The following MEI4 variants were observed in gnomAD, a reference collection of about 807,000 sequenced individuals.
The protein encoded by MEI4 is meiosis-specific protein MEI4.
MEI4 carries 27 observed loss-of-function variants against 31.4 expected under a neutral mutation model. The ratio of observed to expected loss-of-function variants is 0.86; its 90% CI spans 0.63 to 1.19. MEI4 has a LOEUF of 1.19. Among genes scored for constraint, MEI4 ranks in the 50% most tolerant of loss-of-function variants. The probability of loss-of-function intolerance (pLI) is 0.00; values close to 1 mark genes in which losing one functional copy is unlikely to be tolerated. For missense variants in MEI4, 329 were observed against 398.9 expected (o/e 0.82, Z 1.49); for synonymous variants, 122 against 145.4 (o/e 0.84, Z 1.16).
intron 2 of MEI4, among the ~76,000 whole-genome samples, chr6:77,743,312 A>C (rs1243365686): frequency 6.6e-6 from 1 of 152,072 alleles, no homozygotes; most frequent in Non-Finnish European, 1.5e-5. Flanking sequence ...AGTGGTTTGT[A>C]GTTCTCCTTG....
chr6:77,732,570 C>T (rs1405275829), intron 2 of MEI4, among the ~76,000 whole-genome samples: 2 of 151,902 alleles, frequency 1.3e-5, no homozygotes, highest in South Asian at 2.1e-4. Context: ...ATGTCATCTG[C>T]AAACAGGGAC....
intron 3 of MEI4, among the ~76,000 whole-genome samples, chr6:77,822,172 T>G (rs1234179626): frequency 6.6e-6 from 1 of 152,216 alleles, no homozygotes; most frequent in East Asian, 1.9e-4. Flanking sequence ...TAAGATATAC[T>G]ATCAAATTCT....
chr6:77,793,753 A>G (rs1769002660), intron 3 of MEI4, among the ~76,000 whole-genome samples: 1 of 152,166 alleles, frequency 6.6e-6, no homozygotes, highest in Non-Finnish European at 1.5e-5. Context: ...GCTTTATGCA[A>G]GCTTGTGACA....
At chr6:77,795,752 A>C (rs1035053266) in intron 3 of MEI4, among the ~76,000 whole-genome samples, 1 of 149,370 alleles carries the variant, frequency 6.7e-6, no homozygotes, top group Non-Finnish European at 1.5e-5. Context: ...ATAATGAATA[A>C]AGAGATTGCA....
chr6:77,884,820 T>C (rs1231252316), intron 4 of MEI4, among the ~76,000 whole-genome samples: 1 of 152,204 alleles, frequency 6.6e-6, no homozygotes, highest in East Asian at 1.9e-4. Flanking sequence ...TTGCTAAGGA[T>C]TGAATTGATT....
At chr6:77,911,102 A>C (rs2127738855) in intron 4 of MEI4, among the ~76,000 whole-genome samples, 1 of 151,626 alleles carries the variant, frequency 6.6e-6, no homozygotes, top group Admixed American at 6.6e-5. Context: ...TTGCCCACTT[A>C]TTACTTGGAT....
In MEI4 at chr6:77,924,305, A is replaced by AACGACAT. The variant is rs1766791946; in HGVS notation, c.*959_*960insACGACAT. The AACGACAT allele has an allele frequency of 6.6e-6, 1 of 151,910 alleles. No homozygotes were observed. Among genetic ancestry groups the AACGACAT allele is most frequent in the South Asian group, 2.1e-4 (1 of 4,832 alleles). 9.4% of individuals were successfully genotyped at this position (151,910 alleles called of 1,614,324 possible). ...ATTAGCATTCCTAAATGTCGTTGGC[A>AACGACAT]TTAAAAGTAATCTTGATAATTCCAT... is the stretch of plus-strand genomic sequence containing the variant. On this transcript the variant is annotated 3_prime_UTR_variant, in exon 5 of 5. Coordinates refer to ENST00000684080, the MANE Select transcript of MEI4 (RefSeq NM_001322247.2).
intron 1 of MEI4, among the ~76,000 whole-genome samples, chr6:77,675,417 T>C (rs747573041): frequency 1.3e-5 from 2 of 152,064 alleles, no homozygotes; most frequent in Non-Finnish European, 2.9e-5. Flanking sequence ...CTTAAATAGG[T>C]TTAATGTGCT....
intron 3 of MEI4, among the ~76,000 whole-genome samples, chr6:77,824,925 A>G (rs1769907276): frequency 2.0e-5 from 3 of 152,146 alleles, no homozygotes; most frequent in Admixed American, 2.0e-4. Flanking sequence ...TCATTCTAAC[A>G]TGCATCCATA....
intron 3 of MEI4, among the ~76,000 whole-genome samples, chr6:77,828,531 C>A (rs1770008128): frequency 6.6e-6 from 1 of 152,040 alleles, no homozygotes; most frequent in Non-Finnish European, 1.5e-5. Context: ...AAATTGTCTT[C>A]CACAAAACTG....
Position 77,926,799 on chromosome 6 carries a change from A to C in MEI4, c.*3453A>C, listed in dbSNP as rs189359455. ...GAAACCAAGCTTTCTCTTAGCAGTCAATATAATGACCCAACTACATCAATA... is the reference window on the plus strand; with the variant it reads ...GAAACCAAGCTTTCTCTTAGCAGTCCATATAATGACCCAACTACATCAATA... On this transcript the variant is annotated 3_prime_UTR_variant, in exon 5 of 5. Transcript: ENST00000684080. 25 of 152,118 alleles carry C rather than the reference A, an allele frequency of 1.6e-4. No homozygotes were observed. Among genetic ancestry groups the C allele is most frequent in the African/African-American group, 5.5e-4 (23 of 41,568 alleles). 9.4% of individuals were successfully genotyped at this position (152,118 alleles called of 1,614,324 possible). A position where few individuals can be genotyped will look rare whatever the true frequency, so the allele number is the denominator to read the frequency against.
At chr6:77,708,042 A>C (rs1766370233) in intron 2 of MEI4, among the ~76,000 whole-genome samples, 1 of 152,202 alleles carries the variant, frequency 6.6e-6, no homozygotes, top group Non-Finnish European at 1.5e-5. Context: ...GAGCTCCCAC[A>C]CAAGAGTTCC....
intron 3 of MEI4, among the ~76,000 whole-genome samples, chr6:77,806,054 T>C (rs2127702959): frequency 6.6e-6 from 1 of 152,180 alleles, no homozygotes; most frequent in Middle Eastern, 3.4e-3. Flanking sequence ...TCATATTGCT[T>C]TGCTTGAGGA....
intron 4 of MEI4, among the ~76,000 whole-genome samples, chr6:77,903,574 G>A (rs1477892420): frequency 6.6e-6 from 1 of 152,090 alleles, no homozygotes; most frequent in African/African-American, 2.4e-5. Context: ...GTACTATGTT[G>A]AATGCAAGTG....
At chr6:77,794,413 AT>A (rs1238574874) in intron 3 of MEI4, among the ~76,000 whole-genome samples, 1 of 151,986 alleles carries the variant, frequency 6.6e-6, no homozygotes, top group Non-Finnish European at 1.5e-5. Context: ...AATACAAAAT[AT>A]TAGCCGGGTG....
intron 2 of MEI4, among the ~76,000 whole-genome samples, chr6:77,751,552 C>T (rs781728900): frequency 3.0e-4 from 46 of 152,132 alleles, no homozygotes; most frequent in Admixed American, 7.9e-4. Flanking sequence ...TACACCCTCC[C>T]GAGACTAAAC....
intron 2 of MEI4, among the ~76,000 whole-genome samples, chr6:77,748,269 C>T (rs1469551000): frequency 6.6e-6 from 1 of 152,234 alleles, no homozygotes; most frequent in East Asian, 1.9e-4. Context: ...GCCTCTCCCC[C>T]TGCAGCAGAC....
chr6:77,787,583 A>G (rs1262533160), intron 3 of MEI4, among the ~76,000 whole-genome samples: 1 of 152,160 alleles, frequency 6.6e-6, no homozygotes, highest in African/African-American at 2.4e-5. Context: ...AATCAGTCTA[A>G]AAAGACGGGA....
intron 1 of MEI4, among the ~76,000 whole-genome samples, chr6:77,659,128 G>T (rs1445766896): frequency 1.3e-5 from 2 of 152,214 alleles, no homozygotes; most frequent in Non-Finnish European, 2.9e-5. Context: ...CGTGACAGAG[G>T]TTGAAATGCC....
Sources: allele counts gnomAD v4.1 joint callset (sites outside exome capture counted in the v4.1 genomes callset), GRCh38; gene constraint gnomAD v4.1.1; transcripts MANE v1.5; gene names NCBI Gene and HGNC (gene_info 2026-07-23, HGNC 2026-07-21).